LRP2: variants seen among roughly 807,000 people sequenced by gnomAD.
The protein encoded by LRP2 is low-density lipoprotein receptor-related protein 2.
Under a neutral mutation model 531.0 loss-of-function variants are expected in LRP2, and 172 were observed. That is an observed-to-expected ratio of 0.32 (90% CI 0.29 to 0.37). The LOEUF (loss-of-function observed/expected upper bound fraction) is 0.37. LRP2 is among the 10% of genes least tolerant of loss of function. LRP2 has a pLI of 1.00. For missense variants in LRP2, 5,167 were observed against 5,868.3 expected (o/e 0.88, Z 3.90); for synonymous variants, 1,992 against 2,027.6 (o/e 0.98, Z 0.47).
chr2:169,239,871 ACC>A (rs1689742592), intron 25 of LRP2, 96 bp from the exon 26 acceptor site: 1 of 1,060,486 alleles, frequency 9.4e-7, no homozygotes, highest in African/African-American at 1.6e-5. Context: ...GTCTCATGCC[ACC>A]TTCAATATGA....
intron 1 of LRP2, among the ~76,000 whole-genome samples, chr2:169,327,217 A>G (rs867189291): frequency 3.3e-4 from 29 of 86,606 alleles, no homozygotes; most frequent in African/African-American, 5.9e-4. Context: ...CAGCCGCCCC[A>G]TCCGGGAGGG....
chr2:169,348,110 T>C (rs915725850), intron 1 of LRP2, among the ~76,000 whole-genome samples: 4 of 152,206 alleles, frequency 2.6e-5, no homozygotes, highest in Non-Finnish European at 5.9e-5. Flanking sequence ...CCTTTATCCA[T>C]AAAATTTTTA....
rs187427336 is a variant in LRP2, at chr2:169,310,608, T to A, written c.311-3211A>T. ...TGCTGCTGGATTGGGTTTGCCAGTA[T>A]TTCACTGAAGATTTTTGCATCGATG... is the stretch of plus-strand genomic sequence containing the variant. On this transcript the variant is annotated intron_variant, in intron 3 of 78. Transcript: ENST00000649046. Among the ~76,000 whole-genome samples the A allele has an allele frequency of 5.8e-4, 88 of 152,334 alleles. 2 individuals carry two copies. The highest frequency in any genetic ancestry group is 3.8e-3 in the Admixed American group (58 of 15,306).
At chr2:169,276,377 C>G (rs866267275) in intron 13 of LRP2, among the ~76,000 whole-genome samples, 2 of 152,198 alleles carry the variant, frequency 1.3e-5, no homozygotes, top group South Asian at 4.1e-4. Flanking sequence ...TGATTTTTAT[C>G]TTTTATGCTT....
chr2:169,293,750 G>C (rs762166394), intron 6 of LRP2, among the ~76,000 whole-genome samples: 1 of 152,164 alleles, frequency 6.6e-6, no homozygotes. Context: ...AAAGTAAAGA[G>C]GAGAGTTAGA....
intron 29 of LRP2, among the ~76,000 whole-genome samples, chr2:169,235,191 T>C (rs1027528556): frequency 1.3e-5 from 2 of 150,820 alleles, no homozygotes; most frequent in African/African-American, 4.9e-5. Flanking sequence ...GGATTACAGA[T>C]GTGAGACAAT....
chr2:169,265,192 C>A (rs1157734849), intron 16 of LRP2, among the ~76,000 whole-genome samples: 2 of 152,036 alleles, frequency 1.3e-5, no homozygotes, highest in East Asian at 1.9e-4. Context: ...CCAGAACAGA[C>A]CACCATCTCC....
intron 61 of LRP2, among the ~76,000 whole-genome samples, chr2:169,167,569 G>A (rs1250639102): frequency 1.3e-5 from 2 of 152,124 alleles, no homozygotes; most frequent in Non-Finnish European, 2.9e-5. Context: ...TTTGGGGAAA[G>A]AGCTCAAAAA....
chr2:169,135,609 T>C (rs1162930956), intron 76 of LRP2, among the ~76,000 whole-genome samples: 5 of 152,154 alleles, frequency 3.3e-5, no homozygotes, highest in Non-Finnish European at 7.3e-5. Context: ...GGACTAATGG[T>C]CTTTTAAAAA....
intron 18 of LRP2, among the ~76,000 whole-genome samples, chr2:169,256,858 C>T (rs903306848): frequency 1.3e-5 from 2 of 152,136 alleles, no homozygotes; most frequent in Non-Finnish European, 2.9e-5. Flanking sequence ...TGAGTTTCCA[C>T]TAAATCTTGT....
chr2:169,279,694 A>G (rs1683649897), intron 11 of LRP2, 99 bp from the exon 12 acceptor site: 1 of 710,136 alleles, frequency 1.4e-6, no homozygotes, highest in Non-Finnish European at 2.4e-6. Context: ...AGTGCTAAAA[A>G]TCTAAATTCT....
intron 68 of LRP2, among the ~76,000 whole-genome samples, chr2:169,147,940 TAA>T (rs34880654): frequency 3.2e-4 from 48 of 149,384 alleles, no homozygotes; most frequent in Non-Finnish European, 3.4e-4. Flanking sequence ...AGCACTATGT[TAA>T]AAAAAAAAAA....
chr2:169,318,958 G>A, intron 2 of LRP2, 74 bp from the exon 3 acceptor site: 1 of 1,571,188 alleles, frequency 6.4e-7, no homozygotes, highest in African/African-American at 1.3e-5. Flanking sequence ...GCTTGTTCCA[G>A]AAGAGTGTAT....
chr2:169,291,457 T>C (rs960542564), intron 7 of LRP2, among the ~76,000 whole-genome samples: 10 of 152,216 alleles, frequency 6.6e-5, no homozygotes, highest in African/African-American at 1.2e-4. Context: ...AAAACCACTT[T>C]CTGGAACATA....
intron 19 of LRP2, among the ~76,000 whole-genome samples, chr2:169,248,593 A>G (rs1440640462): frequency 6.6e-6 from 1 of 152,280 alleles, no homozygotes; most frequent in African/African-American, 2.4e-5. Flanking sequence ...AGAACTTTCC[A>G]AAAGAAATTC....
intron 1 of LRP2, among the ~76,000 whole-genome samples, chr2:169,360,128 C>CAAAAAAAAAAAAAAAAAAA (rs67818940): frequency 1.0e-4 from 11 of 105,022 alleles, no homozygotes; most frequent in African/African-American, 3.8e-4. Flanking sequence ...CTGTCTCTCT[C>CAAAAAAAAAAAAAAAAAAA]AAAAAAAAAA....
intron 1 of LRP2, among the ~76,000 whole-genome samples, chr2:169,328,532 T>C (rs1396650776): frequency 1.3e-5 from 2 of 150,424 alleles, no homozygotes; most frequent in African/African-American, 4.9e-5. Context: ...AGCCTATAAG[T>C]TTATTGGGGG....
chr2:169,248,144 TAGA>T (rs386652564), intron 19 of LRP2, among the ~76,000 whole-genome samples: 77,875 of 151,468 alleles, frequency 0.51, 20,412 homozygotes, highest in South Asian at 0.74. Context: ...CTACTAATGT[TAGA>T]ATGATGCTCA....
intron 44 of LRP2, 137 bp downstream of exon 44, chr2:169,201,491 C>G: frequency 8.5e-7 from 1 of 1,175,696 alleles, no homozygotes; most frequent in South Asian, 1.5e-5. Context: ...GCTACCGCGC[C>G]TAGCCAAAAA....
Sources: gnomAD v4.1 joint callset for allele counts (sites outside exome capture counted in the v4.1 genomes callset) on GRCh38, gnomAD v4.1.1 for gene constraint, MANE v1.5 for transcripts, NCBI Gene and HGNC (gene_info 2026-07-23, HGNC 2026-07-21) for gene names.